PTPRG: variants seen among roughly 807,000 people sequenced by gnomAD.
PTPRG encodes the protein receptor-type tyrosine-protein phosphatase gamma.
In PTPRG, 102 loss-of-function variants were observed where a neutral mutation model predicts 165.3. The observed-to-expected ratio is 0.62, with a 90% CI of 0.53 to 0.73. PTPRG has a LOEUF of 0.73. PTPRG is among the 30% of genes least tolerant of loss of function. PTPRG has a pLI of 0.00. For missense variants in PTPRG, 1,866 were observed against 1,861.4 expected, an observed-to-expected ratio of 1.00 and a Z score of -0.05; for synonymous variants, 675 against 669.5, an observed-to-expected ratio of 1.01 and a Z score of -0.13.
rs75407454 is a variant in PTPRG, at chr3:61,975,542, G to A, written c.191-14083G>A. Among the ~76,000 whole-genome samples, 733 of 152,172 alleles carry A rather than the reference G, an allele frequency of 4.8e-3. 4 individuals carry two copies. The highest frequency in any genetic ancestry group is 0.016 in the African/African-American group (683 of 41,508). ...ACTAGTCTTTTTGGTTTAGCATTTC[G>A]GAAACACTGTCTTCGTCATCCATGA... On this transcript the variant is annotated intron_variant, in intron 2 of 29. Coordinates refer to ENST00000474889, the MANE Select transcript of PTPRG (RefSeq NM_002841.4).
At chr3:61,675,929 A>G (rs1312736292) in intron 1 of PTPRG, among the ~76,000 whole-genome samples, 1 of 152,208 alleles carries the variant, frequency 6.6e-6, no homozygotes, top group Admixed American at 6.5e-5. Flanking sequence ...CATGGATCAT[A>G]TTAATAATTG....
chr3:61,900,432 A>G (rs1227226325), intron 2 of PTPRG, among the ~76,000 whole-genome samples: 1 of 152,184 alleles, frequency 6.6e-6, no homozygotes, highest in Admixed American at 6.5e-5. Flanking sequence ...ACATCTGTGG[A>G]TCTGTTAGAA....
chr3:61,931,562 C>T (rs2039361466), intron 2 of PTPRG, among the ~76,000 whole-genome samples: 1 of 152,200 alleles, frequency 6.6e-6, no homozygotes, highest in African/African-American at 2.4e-5. Context: ...AAATGGGTTA[C>T]TGCTCTTACA....
intron 2 of PTPRG, among the ~76,000 whole-genome samples, chr3:61,926,533 A>G (rs1454605404): frequency 7.1e-6 from 1 of 141,662 alleles, no homozygotes; most frequent in Non-Finnish European, 1.5e-5. Flanking sequence ...AGCCAATTAA[A>G]CCTCTTTTCT....
Position 62,210,860 on chromosome 3 carries a change from G to A in PTPRG, c.2155+6910G>A, listed in dbSNP as rs1420360522. Among the ~76,000 whole-genome samples the A allele has an allele frequency of 1.3e-5, 2 of 152,026 alleles. No homozygotes were observed. The highest frequency in any genetic ancestry group is 2.9e-5 in the Non-Finnish European group (2 of 68,022). On this transcript the variant is annotated intron_variant, in intron 12 of 29. Coordinates refer to ENST00000474889, the MANE Select transcript of PTPRG (RefSeq NM_002841.4). This position sits in a 1 kb window ranked among gnomAD's most constrained non-coding sequence, Gnocchi z 4.1. ...TAATACAAATAATATACAAATATGTGTTAACTATTTATGTTATTGGTGAGG... is the reference window on the plus strand; with the variant it reads ...TAATACAAATAATATACAAATATGTATTAACTATTTATGTTATTGGTGAGG...
intron 1 of PTPRG, among the ~76,000 whole-genome samples, chr3:61,645,366 A>AG (rs1702171943): frequency 1.3e-5 from 2 of 152,220 alleles, no homozygotes; most frequent in Non-Finnish European, 2.9e-5. Flanking sequence ...CTTAACTGAT[A>AG]GATGATTCCT....
chr3:61,767,415 C>G (rs1265747140), intron 2 of PTPRG, among the ~76,000 whole-genome samples: 1 of 152,026 alleles, frequency 6.6e-6, no homozygotes, highest in Non-Finnish European at 1.5e-5. Flanking sequence ...GTAGACAAAT[C>G]CAAAATGCAT....
chr3:61,983,575 A>T (rs1028276105), intron 2 of PTPRG, among the ~76,000 whole-genome samples: 6 of 152,136 alleles, frequency 3.9e-5, no homozygotes, highest in Admixed American at 1.3e-4. Context: ...ATTTGGATCT[A>T]TTGTGGTAAA....
At chr3:61,701,627 G>A (rs2030965652) in intron 1 of PTPRG, among the ~76,000 whole-genome samples, 1 of 152,228 alleles carries the variant, frequency 6.6e-6, no homozygotes, top group African/African-American at 2.4e-5. Context: ...GCTGGGCACA[G>A]TGGCTCACAC....
At chr3:61,700,688 G>A (rs2030905231) in intron 1 of PTPRG, among the ~76,000 whole-genome samples, 1 of 152,150 alleles carries the variant, frequency 6.6e-6, no homozygotes, top group African/African-American at 2.4e-5. Flanking sequence ...GCAATGTCAA[G>A]GAAACAATTT....
intron 6 of PTPRG, among the ~76,000 whole-genome samples, chr3:62,149,423 G>A (rs991280249): frequency 2.0e-5 from 3 of 152,006 alleles, no homozygotes; most frequent in South Asian, 4.1e-4. Context: ...ACAGGCACAC[G>A]CCACCATACC....
At chr3:62,070,545 C>G (rs976348663) in intron 4 of PTPRG, among the ~76,000 whole-genome samples, 4 of 152,246 alleles carry the variant, frequency 2.6e-5, no homozygotes, top group Admixed American at 2.0e-4. Flanking sequence ...CACAGACTTA[C>G]GTCCTGCGTG....
intron 2 of PTPRG, among the ~76,000 whole-genome samples, chr3:61,938,831 C>G (rs2039542889): frequency 6.6e-6 from 1 of 152,126 alleles, no homozygotes; most frequent in Non-Finnish European, 1.5e-5. Context: ...AATAGCATTG[C>G]TTAACATTTT....
At chr3:62,045,512 A>G (rs573166597) in intron 4 of PTPRG, among the ~76,000 whole-genome samples, 17 of 152,130 alleles carry the variant, frequency 1.1e-4, no homozygotes, top group Admixed American at 3.3e-4. Flanking sequence ...GTCAAACCTC[A>G]TTTTGTCCAG....
chr3:61,720,076 C>T (rs1358442436), intron 1 of PTPRG, among the ~76,000 whole-genome samples: 1 of 152,054 alleles, frequency 6.6e-6, no homozygotes, highest in Non-Finnish European at 1.5e-5. Context: ...ATTATTTATC[C>T]CTCCTCCGTC....
rs959998774 is a variant in PTPRG, at chr3:61,882,339, T to C, written c.191-107286T>C. 1.4e-4 allele frequency among the ~76,000 whole-genome samples: 22 copies of C among 152,342 alleles called. No individual in the cohort carries two copies. The East Asian group carries it at 4.2e-3, about 29-fold the overall frequency. On this transcript the variant is annotated intron_variant, in intron 2 of 29. Coordinates refer to ENST00000474889, the MANE Select transcript of PTPRG (RefSeq NM_002841.4). ...AAAAGGCTAGGTTTGTTAAATAGAT[T>C]TGTACTCTGTTTTGGGAAGCCAAAA...
At chr3:61,898,876 C>T (rs1269604796) in intron 2 of PTPRG, among the ~76,000 whole-genome samples, 3 of 152,140 alleles carry the variant, frequency 2.0e-5, no homozygotes, top group Non-Finnish European at 4.4e-5. Context: ...CATTGTGTCC[C>T]TGGACAACTT....
intron 7 of PTPRG, among the ~76,000 whole-genome samples, chr3:62,165,455 T>G (rs1704935454): frequency 6.6e-6 from 1 of 152,216 alleles, no homozygotes; most frequent in South Asian, 2.1e-4. Context: ...GTGGCTCACA[T>G]TTGGACAAAG....
intron 13 of PTPRG, among the ~76,000 whole-genome samples, chr3:62,227,925 G>A (rs532437826): frequency 3.7e-4 from 56 of 152,256 alleles, no homozygotes; most frequent in Non-Finnish European, 5.6e-4. Flanking sequence ...CTGATAAACC[G>A]GACAATTTAG....
Sources: gnomAD v4.1 joint callset for allele counts (sites outside exome capture counted in the v4.1 genomes callset) on GRCh38, gnomAD v4.1.1 for gene constraint, Gnocchi (gnomAD v3.1) non-coding constraint, MANE v1.5 for transcripts, NCBI Gene and HGNC (gene_info 2026-07-23, HGNC 2026-07-21) for gene names.